Variants in KCNIP4 observed in about 807,000 individuals in gnomAD.
The protein encoded by KCNIP4 is Kv channel-interacting protein 4.
Under a neutral mutation model 34.0 loss-of-function variants are expected in KCNIP4, and 12 were observed. The ratio of observed to expected loss-of-function variants is 0.35; its 90% CI spans 0.23 to 0.57. The LOEUF (loss-of-function observed/expected upper bound fraction) is 0.57. Ranked by LOEUF, KCNIP4 falls within the 20% of genes least tolerant of loss-of-function variation. The pLI is 0.83. For synonymous variants in KCNIP4, 124 were observed against 102.2 expected, an observed-to-expected ratio of 1.21 and a Z score of -1.29; for missense variants, 238 against 311.7, an observed-to-expected ratio of 0.76 and a Z score of 1.78.
At chr4:21,790,197 T>C (rs893232001) in intron 1 of KCNIP4, among the ~76,000 whole-genome samples, 8 of 152,146 alleles carry the variant, frequency 5.3e-5, no homozygotes, top group Non-Finnish European at 1.2e-4. Flanking sequence ...GAAATAAAAA[T>C]GATACAAACT....
At chr4:21,906,132 A>G (rs1021709110) in intron 1 of KCNIP4, among the ~76,000 whole-genome samples, 1 of 152,318 alleles carries the variant, frequency 6.6e-6, no homozygotes. Flanking sequence ...AAACTATATG[A>G]CCCACAAATC....
At chr4:21,688,058 A>G (rs1002600248) in intron 1 of KCNIP4, among the ~76,000 whole-genome samples, 5 of 152,218 alleles carry the variant, frequency 3.3e-5, no homozygotes, top group African/African-American at 1.2e-4. Flanking sequence ...AACACATTAA[A>G]TTACATGGGC....
chr4:21,090,269 A>C (rs754844344), intron 1 of KCNIP4, among the ~76,000 whole-genome samples: 1 of 152,226 alleles, frequency 6.6e-6, no homozygotes, highest in Non-Finnish European at 1.5e-5. Flanking sequence ...AACTATCAGC[A>C]TGATGTGCCA....
At chr4:21,091,910 C>A (rs541313411) in intron 1 of KCNIP4, among the ~76,000 whole-genome samples, 79 of 152,150 alleles carry the variant, frequency 5.2e-4, no homozygotes, top group Non-Finnish European at 9.9e-4. Flanking sequence ...GAGGGGAAAC[C>A]AACATTCAGT....
At chr4:21,104,643 G>T (rs976368686) in intron 1 of KCNIP4, among the ~76,000 whole-genome samples, 4 of 151,832 alleles carry the variant, frequency 2.6e-5, no homozygotes, top group Non-Finnish European at 5.9e-5. Flanking sequence ...CATTACTTTT[G>T]GTGTTTTAAA....
intron 1 of KCNIP4, among the ~76,000 whole-genome samples, chr4:21,248,060 A>ATGTGTGTGTGTGTGTGTG (rs111240655): frequency 6.9e-6 from 1 of 145,288 alleles, no homozygotes; most frequent in African/African-American, 2.6e-5. Flanking sequence ...ATATATATAT[A>ATGTGTGTGTGTGTGTGTG]TGTGTGTGTG....
At chr4:21,369,526 G>A (rs1190102933) in intron 1 of KCNIP4, among the ~76,000 whole-genome samples, 1 of 146,970 alleles carries the variant, frequency 6.8e-6, no homozygotes, top group Non-Finnish European at 1.5e-5. Flanking sequence ...GAACCCAGGA[G>A]GTTGAGACTG....
At chr4:21,534,180 CA>C in intron 1 of KCNIP4, among the ~76,000 whole-genome samples, 1 of 152,258 alleles carries the variant, frequency 6.6e-6, no homozygotes, top group Non-Finnish European at 1.5e-5. Context: ...CATAGCATAG[CA>C]ATGTGTATAA....
At chr4:20,795,780 C>A (rs1013402339) in intron 3 of KCNIP4, among the ~76,000 whole-genome samples, 5 of 152,196 alleles carry the variant, frequency 3.3e-5, no homozygotes, top group African/African-American at 1.2e-4. Context: ...TCTATTGTCA[C>A]AGTGCTTATC....
chr4:21,099,936 T>C (rs939703511), intron 1 of KCNIP4, among the ~76,000 whole-genome samples: 7 of 152,136 alleles, frequency 4.6e-5, no homozygotes, highest in Non-Finnish European at 8.8e-5. Flanking sequence ...AATATGTGAC[T>C]GAATATGTTA....
At chr4:21,690,908 T>C (rs1479842838) in intron 1 of KCNIP4, among the ~76,000 whole-genome samples, 1 of 152,100 alleles carries the variant, frequency 6.6e-6, no homozygotes, top group Non-Finnish European at 1.5e-5. Flanking sequence ...TTCTGGAATG[T>C]AAAAAAACAT....
At position 20,728,655 on chromosome 4, in the gene KCNIP4, AAAATGTGCACATTGAG is replaced by A. The variant is rs2149227770; in HGVS notation, c.*1411_*1426del. On this transcript the variant is annotated 3_prime_UTR_variant, in exon 9 of 9. Transcript: ENST00000382152. ...CTTTTATTTTTTCTTTTTGAAATACAAAATGTGCACATTGAGTTTACACAAACACGTGATGGCAAAT... is the reference window on the plus strand; with the variant it reads ...CTTTTATTTTTTCTTTTTGAAATACATTTACACAAACACGTGATGGCAAAT... 1 of 152,720 alleles carries A rather than the reference AAAATGTGCACATTGAG, an allele frequency of 6.5e-6. No individual in the cohort carries two copies. Among genetic ancestry groups the A allele is most frequent in the South Asian group, 2.1e-4 (1 of 4,810 alleles). The allele number at this position is 152,720 out of a possible 1,614,324, so 9.5% of individuals were successfully genotyped here.
Position 21,799,365 on chromosome 4 carries a change from C to T in KCNIP4, c.61+149206G>A, listed in dbSNP as rs182390549. ...GGTATGGGTAACTCCAAACACCACA[C>T]TCTTAAACTTTTCTTTATATTACCA... On this transcript the variant is annotated intron_variant, in intron 1 of 8. Coordinates refer to ENST00000382152, the MANE Select transcript of KCNIP4 (RefSeq NM_025221.6). Among the ~76,000 whole-genome samples, 202 of 152,298 alleles carry T rather than the reference C, an allele frequency of 1.3e-3. No individual in the cohort carries two copies. The Middle Eastern group carries it at 0.02, about 15-fold the overall frequency.
intron 1 of KCNIP4, among the ~76,000 whole-genome samples, chr4:21,469,912 GC>G: frequency 6.6e-6 from 1 of 152,248 alleles, no homozygotes; most frequent in Non-Finnish European, 1.5e-5. Flanking sequence ...CATGTAAATA[GC>G]CAGAATTTTA....
At chr4:20,847,728 G>A (rs1340289439) in intron 3 of KCNIP4, among the ~76,000 whole-genome samples, 3 of 152,252 alleles carry the variant, frequency 2.0e-5, no homozygotes, top group African/African-American at 4.8e-5. Flanking sequence ...GAAAAAATTG[G>A]TGGAGTTATG....
At chr4:20,855,666 C>CA (rs138881464) in intron 2 of KCNIP4, among the ~76,000 whole-genome samples, 33,496 of 147,392 alleles carry the variant, frequency 0.23, 4,293 homozygotes, top group South Asian at 0.37. Context: ...AAGGAGTTTA[C>CA]AAAAAAAAAA....
At chr4:20,853,294 C>T (rs1409676735) in intron 2 of KCNIP4, among the ~76,000 whole-genome samples, 1 of 151,034 alleles carries the variant, frequency 6.6e-6, no homozygotes, top group Non-Finnish European at 1.5e-5. Context: ...AAAATTGGCA[C>T]ATAGACCAGT....
intron 1 of KCNIP4, among the ~76,000 whole-genome samples, chr4:21,218,245 C>T (rs1484659214): frequency 1.3e-5 from 2 of 151,908 alleles, no homozygotes; most frequent in Non-Finnish European, 2.9e-5. Context: ...GAACTCCTGA[C>T]CTCAGGTGAC....
rs1224107540 is a variant in KCNIP4, at chr4:20,730,081, G to A, written c.*1C>T. On this transcript the variant is annotated 3_prime_UTR_variant, in exon 9 of 9. Transcript: ENST00000382152. ...GTTGGATTCAGGATCTATTTGACAA[G>A]TTAAATCACATTTTCAAAGAGCTGC... 1.9e-6 allele frequency: 3 copies of A among 1,608,398 alleles called. No homozygotes were observed. The Admixed American group carries it at 5.1e-5, about 28-fold the overall frequency.
Sources: gnomAD v4.1 joint callset for allele counts (sites outside exome capture counted in the v4.1 genomes callset) on GRCh38, gnomAD v4.1.1 for gene constraint, MANE v1.5 for transcripts, NCBI Gene and HGNC (gene_info 2026-07-23, HGNC 2026-07-21) for gene names.